Variants in PIGL observed in about 807,000 individuals in gnomAD.
PIGL encodes the protein phosphatidylinositol glycan anchor biosynthesis class L, also known as N-acetylglucosaminyl-phosphatidylinositol de-N-acetylase.
PIGL carries 22 observed loss-of-function variants against 31.1 expected under a neutral mutation model. The ratio of observed to expected loss-of-function variants is 0.71; its 90% confidence interval spans 0.51 to 1.01. The LOEUF (loss-of-function observed/expected upper bound fraction) is 1.01, where lower values mean the gene tolerates loss of function less well. Ranked by LOEUF, PIGL falls within the 50% of genes least tolerant of loss-of-function variation. PIGL has a pLI of 0.00. For synonymous variants in PIGL, 131 were observed against 117.4 expected (o/e 1.12, Z -0.75); for missense variants, 302 against 315.9 (o/e 0.96, Z 0.33).
intron 1 of PIGL, among the ~76,000 whole-genome samples, chr17:16,218,456 A>G (rs1278682652): frequency 6.6e-6 from 1 of 152,172 alleles, no homozygotes; most frequent in African/African-American, 2.4e-5. Context: ...ACCTATATTA[A>G]TTAGATCTAA....
Position 16,224,673 on chromosome 17 carries a change from T to G in PIGL, c.235+7212T>G, listed in dbSNP as rs559968923. On this transcript the variant is annotated intron_variant, in intron 1 of 6. Coordinates refer to ENST00000225609, the MANE Select transcript of PIGL (RefSeq NM_004278.4). ...AAATCTTGCTGACATTTTTTCCCCC[T>G]TGTGACAGAGTCTCACTCTGACGTC... Among the ~76,000 whole-genome samples, 8 of 152,092 alleles carry G rather than the reference T, an allele frequency of 5.3e-5. No homozygotes were observed. The East Asian group carries it at 1.6e-3, about 29-fold the overall frequency.
intron 6 of PIGL, among the ~76,000 whole-genome samples, chr17:16,318,378 C>T (rs1020872601): frequency 6.6e-6 from 1 of 151,662 alleles, no homozygotes; most frequent in Non-Finnish European, 1.5e-5. Flanking sequence ...TCAAGTGATT[C>T]TCCTGCCTCA....
intron 1 of PIGL, among the ~76,000 whole-genome samples, chr17:16,233,395 G>A (rs2092686852): frequency 6.6e-6 from 1 of 152,110 alleles, no homozygotes; most frequent in Admixed American, 6.6e-5. Context: ...TGTTTGGGGT[G>A]CCAATGGGAT....
At chr17:16,280,967 T>G (rs1356929381) in intron 2 of PIGL, among the ~76,000 whole-genome samples, 2 of 152,098 alleles carry the variant, frequency 1.3e-5, no homozygotes, top group Non-Finnish European at 2.9e-5. Context: ...CCTCCCAAGG[T>G]GCTGGGATTA....
intron 2 of PIGL, among the ~76,000 whole-genome samples, chr17:16,280,019 C>A (rs903692206): frequency 5.9e-5 from 9 of 152,102 alleles, no homozygotes; most frequent in Admixed American, 4.6e-4. Context: ...GGTTTATTAC[C>A]AGTAGAGGAA....
At position 16,288,373 on chromosome 17, in the gene PIGL, A is replaced by G. The variant is rs553854489; in HGVS notation, c.336-11515A>G. On this transcript the variant is annotated intron_variant, in intron 2 of 6. Coordinates refer to ENST00000225609, the MANE Select transcript of PIGL (RefSeq NM_004278.4). ...AGGTGCCTGCCACCACGCCCAGCTA[A>G]TTTTTGTATTTTTAGTAGAGATGGG... Among the ~76,000 whole-genome samples, 100 of 151,630 alleles carry G rather than the reference A, an allele frequency of 6.6e-4. 2 individuals carry two copies. The South Asian group carries it at 0.02, about 31-fold the overall frequency.
chr17:16,243,033 G>A (rs2092729719), intron 2 of PIGL, among the ~76,000 whole-genome samples: 1 of 152,140 alleles, frequency 6.6e-6, no homozygotes, highest in Non-Finnish European at 1.5e-5. Flanking sequence ...ACCATTAACT[G>A]TGTTGTTACT....
At chr17:16,230,836 A>G (rs528003601) in intron 1 of PIGL, among the ~76,000 whole-genome samples, 2 of 152,210 alleles carry the variant, frequency 1.3e-5, no homozygotes, top group African/African-American at 2.4e-5. Flanking sequence ...TAAAGACTCA[A>G]ATTTATACAT....
intron 2 of PIGL, among the ~76,000 whole-genome samples, chr17:16,260,974 C>T (rs1204711790): frequency 6.6e-6 from 1 of 152,010 alleles, no homozygotes; most frequent in Middle Eastern, 3.2e-3. Flanking sequence ...CAAAAATTAG[C>T]TGGGCATGGT....
At chr17:16,276,336 A>G (rs2092895307) in intron 2 of PIGL, among the ~76,000 whole-genome samples, 1 of 152,210 alleles carries the variant, frequency 6.6e-6, no homozygotes, top group Non-Finnish European at 1.5e-5. Context: ...TACATTATCT[A>G]TCCCTCTTGT....
At chr17:16,273,214 G>A (rs933530456) in intron 2 of PIGL, among the ~76,000 whole-genome samples, 3 of 152,204 alleles carry the variant, frequency 2.0e-5, no homozygotes, top group Admixed American at 6.5e-5. Context: ...GGACTCAGAT[G>A]CAGGAGCCAG....
intron 2 of PIGL, among the ~76,000 whole-genome samples, chr17:16,249,272 A>G (rs2092761029): frequency 6.6e-6 from 1 of 152,196 alleles, no homozygotes; most frequent in African/African-American, 2.4e-5. Context: ...TGAGGTCAGG[A>G]GTTCAAGACC....
chr17:16,219,235 AG>A (rs2092614793), intron 1 of PIGL, among the ~76,000 whole-genome samples: 4 of 150,762 alleles, frequency 2.7e-5, no homozygotes, highest in Non-Finnish European at 4.4e-5. Flanking sequence ...ATTTGTTTTT[AG>A]TTTTTAGTAG....
intron 2 of PIGL, among the ~76,000 whole-genome samples, chr17:16,260,430 G>A (rs533581425): frequency 6.6e-6 from 1 of 152,292 alleles, no homozygotes; most frequent in East Asian, 1.9e-4. Flanking sequence ...CTCAGTCTCA[G>A]CCAGATTCAG....
chr17:16,310,077 C>CAAAAAAAAA (rs58352380), intron 3 of PIGL, among the ~76,000 whole-genome samples: 4 of 88,588 alleles, frequency 4.5e-5, no homozygotes, highest in African/African-American at 4.5e-5. Flanking sequence ...GACTCCATCT[C>CAAAAAAAAA]AAAAAAAAAA....
At chr17:16,232,064 G>C (rs909770172) in intron 1 of PIGL, among the ~76,000 whole-genome samples, 1 of 152,062 alleles carries the variant, frequency 6.6e-6, no homozygotes, top group African/African-American at 2.4e-5. Flanking sequence ...GATCACCTGA[G>C]GTCAGGAGTT....
At chr17:16,235,516 G>A (rs547037740) in intron 2 of PIGL, among the ~76,000 whole-genome samples, 13 of 138,130 alleles carry the variant, frequency 9.4e-5, no homozygotes, top group Admixed American at 8.2e-4. Context: ...GTGCCATCTC[G>A]GCTCACTGCA....
chr17:16,234,067 A>G lies in PIGL; in HGVS notation c.332A>G (p.Asn111Ser). The G allele has an allele frequency of 6.6e-7, 1 of 1,509,678 alleles. No individual in the cohort carries two copies. Among genetic ancestry groups the G allele is most frequent in the Non-Finnish European group, 9.2e-7 (1 of 1,085,618 alleles). The allele number at this position is 1,509,678 out of a possible 1,614,324, so 93.5% of individuals were successfully genotyped here. ...CTCTCCAGTGTAATGATTATTGACAACAGGTAATATATCTTTTAACAATGT... is the reference window on the plus strand; with the variant it reads ...CTCTCCAGTGTAATGATTATTGACAGCAGGTAATATATCTTTTAACAATGT... ...IPLSSVMIIDNRDFPDDPGMQ... is the reference protein window; with the variant it reads ...IPLSSVMIIDSRDFPDDPGMQ... The change falls in exon 2 of 7, where the codon AAC becomes AGC. Residue 111 changes from asparagine to serine, a missense_variant. Asn to Ser is a conservative substitution (Grantham distance 46). Transcript: ENST00000225609.
chr17:16,299,893 TCCCAGATGA>T lies in PIGL; in HGVS notation c.347_355del (p.Asp116_Pro118del), dbSNP rs1470883382. The T allele has an allele frequency of 2.5e-6, 4 of 1,612,810 alleles. No homozygotes were observed. In the South Asian group the frequency reaches 3.3e-5, roughly 13 times the overall value. Reference sequence around the variant, plus strand: ...GTTGTGCTTCTCTCTTGTAGGGATTTCCCAGATGACCCAGGCATGCAGTGGGACACAGAG... The same window carrying T: ...GTTGTGCTTCTCTCTTGTAGGGATTTCCCAGGCATGCAGTGGGACACAGAG... On this transcript the variant is annotated inframe_deletion, in exon 3 of 7. Transcript: ENST00000225609.
Sources: gnomAD v4.1 joint callset for allele counts (sites outside exome capture counted in the v4.1 genomes callset) on GRCh38, gnomAD v4.1.1 for gene constraint, MANE v1.5 for transcripts, NCBI Gene and HGNC (gene_info 2026-07-23, HGNC 2026-07-21) for gene names.